The following TUBA4A variants were observed in gnomAD, a reference collection of about 807,000 sequenced individuals.
TUBA4A encodes the protein tubulin alpha-4A chain.
TUBA4A carries 23 observed loss-of-function variants against 34.3 expected under a neutral mutation model. The observed-to-expected ratio is 0.67, with a 90% confidence interval of 0.48 to 0.95. The LOEUF is 0.95. Among genes scored for constraint, TUBA4A ranks in the 40% least tolerant of loss-of-function variants. The probability of loss-of-function intolerance (pLI) is 0.00; values close to 1 mark genes in which losing one functional copy is unlikely to be tolerated. For synonymous variants in TUBA4A, 216 were observed against 230.5 expected, an observed-to-expected ratio of 0.94 and a Z score of 0.57; for missense variants, 279 against 599.0, an observed-to-expected ratio of 0.47 and a Z score of 5.58.
In TUBA4A at chr2:219,250,553, G is replaced by T. The variant is rs373071036; in HGVS notation, c.1146C>A (p.Thr382=). The T allele has an allele frequency of 4.3e-6, 7 of 1,614,204 alleles. No homozygotes were observed. In the Admixed American group the frequency reaches 5.0e-5, roughly 12 times the overall value. Residue 382 remains threonine, a synonymous_variant, in exon 4 of 4, where the codon ACC becomes ACA. Transcript: ENST00000248437. The surrounding 1 kb of genome is among the most constrained non-coding windows in gnomAD (Gnocchi z 8.4). ...QRAVCMLSNT[T]AIAEAWARLD... is the part of the protein sequence containing the mutation. ...GGCGGGCCCAGGCCTCGGCGATGGC[G>T]GTCGTGTTGCTCAGCATGCACACGG...
At chr2:219,253,196 C>T (rs1951677160) in intron 1 of TUBA4A, 2 of 1,502,058 alleles carry the variant, frequency 1.3e-6, no homozygotes, top group African/African-American at 2.8e-5. Flanking sequence ...CACCTCTCTC[C>T]CCTCCCCCCA....
In TUBA4A at chr2:219,249,948, G is replaced by T. The variant is rs1018591070; in HGVS notation, c.*404C>A. The T allele has an allele frequency of 3.5e-5, 6 of 173,912 alleles. No homozygotes were observed. Among genetic ancestry groups the T allele is most frequent in the Non-Finnish European group, 6.2e-5 (5 of 80,062 alleles). The allele number at this position is 173,912 out of a possible 1,614,324, so 10.8% of individuals were successfully genotyped here. ...GCCTGGGCCAAGCCTTGCTTCCAGA[G>T]TTGGTAAATGTAGAGGCAGCAGGAA... is the stretch of plus-strand genomic sequence containing the variant. On this transcript the variant is annotated 3_prime_UTR_variant, in exon 4 of 4. Coordinates refer to ENST00000248437, the MANE Select transcript of TUBA4A (RefSeq NM_006000.3).
rs1237627642 is a variant in TUBA4A at position 219,252,236 on chromosome 2, G to A, written c.4-6C>T. ...TGGACTGAGATGCATTCACGCTGAG[G>A]GATAGAGAGAGGGGACACAGCATGA... On this transcript the variant is annotated splice_region_variant and splice_polypyrimidine_tract_variant and intron_variant, in intron 1 of 3. Transcript: ENST00000248437. This position sits in a 1 kb window ranked among gnomAD's most constrained non-coding sequence, Gnocchi z 4.1. 6.2e-7 allele frequency: 1 copy of A among 1,610,460 alleles called. No homozygotes were observed. Among genetic ancestry groups the A allele is most frequent in the South Asian group, 1.1e-5 (1 of 91,014 alleles).
chr2:219,252,702 A>C lies in TUBA4A; in HGVS notation c.4-472T>G. On this transcript the variant is annotated intron_variant, in intron 1 of 3. Coordinates refer to ENST00000248437, the MANE Select transcript of TUBA4A (RefSeq NM_006000.3). The surrounding 1 kb of genome is among the most constrained non-coding windows in gnomAD (Gnocchi z 4.1). ...AGGATGCCCTCCTCCCTCACCTTTA[A>C]ATCCCATCTGGCTCTGGGGATCAAT... The C allele has an allele frequency of 2.2e-6, 1 of 451,424 alleles. No homozygotes were observed. Among genetic ancestry groups the C allele is most frequent in the South Asian group, 1.6e-5 (1 of 62,774 alleles). The allele number at this position is 451,424 out of a possible 1,614,324, so 28.0% of individuals were successfully genotyped here.
chr2:219,251,582 C>G lies in TUBA4A; in HGVS notation c.358G>C (p.Asp120His), dbSNP rs1951649084. The change falls in exon 3 of 4, where the codon GAT becomes CAT. Residue 120 changes from aspartate (D) to histidine (H), a missense_variant. Coordinates refer to ENST00000248437, the MANE Select transcript of TUBA4A (RefSeq NM_006000.3). This position sits in a 1 kb window ranked among gnomAD's most constrained non-coding sequence, Gnocchi z 6.1. ...ACTCTCACCAGCTTGCGGATCCGAT[C>G]CAGCACTGGGTCAATGATCTCCTTG... Reference protein sequence around the residue: ...IGKEIIDPVLDRIRKLSDQCT... With the variant: ...IGKEIIDPVLHRIRKLSDQCT... The G allele has an allele frequency of 6.2e-7, 1 of 1,614,032 alleles. No individual in the cohort carries two copies. Among genetic ancestry groups the G allele is most frequent in the Non-Finnish European group, 8.5e-7 (1 of 1,179,916 alleles).
intron 1 of TUBA4A, among the ~76,000 whole-genome samples, 158 bp downstream of exon 1, chr2:219,253,698 T>C (rs1394105712): frequency 1.3e-5 from 2 of 152,062 alleles, no homozygotes; most frequent in African/African-American, 2.4e-5. Context: ...TCGGCCAAAG[T>C]CACCAGGAGG....
In TUBA4A at chr2:219,252,333, G is replaced by T; in HGVS notation, c.4-103C>A. ...ATCATCTACCAGCTAGGATGACTCA[G>T]TTGGCAAGAGTGGAGGGTTGGGGCT... is the stretch of plus-strand genomic sequence containing the variant. On this transcript the variant is annotated intron_variant, in intron 1 of 3. Coordinates refer to ENST00000248437, the MANE Select transcript of TUBA4A (RefSeq NM_006000.3). The surrounding 1 kb of genome is among the most constrained non-coding windows in gnomAD (Gnocchi z 4.1). 8.9e-7 allele frequency: 1 copy of T among 1,124,594 alleles called. No individual in the cohort carries two copies. Among genetic ancestry groups the T allele is most frequent in the Non-Finnish European group, 1.3e-6 (1 of 781,314 alleles). The allele number at this position is 1,124,594 out of a possible 1,614,324, so 69.7% of individuals were successfully genotyped here.
intron 1 of TUBA4A, chr2:219,253,418 A>G (rs1403866703): frequency 1.3e-6 from 2 of 1,524,594 alleles, no homozygotes; most frequent in Admixed American, 2.0e-5. Context: ...ATGCGGCACC[A>G]GGTAACCTGA....
rs373557253 is a variant in TUBA4A, at chr2:219,251,401, G to A, written c.376-78C>T. 7.0e-5 allele frequency: 108 copies of A among 1,543,102 alleles called. 1 individual carries two copies. Among genetic ancestry groups the A allele is most frequent in the South Asian group, 2.9e-4 (23 of 79,304 alleles). ...ACTCTATCACCTGGCTCCATAAAGC[G>A]TAAGATACATCAGCAGTCAGGGCAA... On this transcript the variant is annotated intron_variant, in intron 3 of 3. Transcript: ENST00000248437. This position sits in a 1 kb window ranked among gnomAD's most constrained non-coding sequence, Gnocchi z 6.1.
chr2:219,251,455 C>T lies in TUBA4A; in HGVS notation c.375+110G>A, dbSNP rs1574884956. On this transcript the variant is annotated intron_variant, in intron 3 of 3. Coordinates refer to ENST00000248437, the MANE Select transcript of TUBA4A (RefSeq NM_006000.3). The surrounding 1 kb of genome is among the most constrained non-coding windows in gnomAD (Gnocchi z 6.1). ...CTGAGGATGCCATAGCAGCACCACA[C>T]TCGAGACCATGTATAGTTAGAGATG... 2.3e-5 allele frequency: 35 copies of T among 1,540,554 alleles called. No individual in the cohort carries two copies. Among genetic ancestry groups the T allele is most frequent in the Middle Eastern group, 1.8e-4 (1 of 5,710 alleles).
rs925237289 is a variant in TUBA4A at position 219,251,596 on chromosome 2, A to G, written c.344T>C (p.Ile115Thr). 2 of 1,614,112 alleles carry G rather than the reference A, an allele frequency of 1.2e-6. No individual in the cohort carries two copies. The highest frequency in any genetic ancestry group is 8.5e-7 in the Non-Finnish European group (1 of 1,179,978). Residue 115 changes from isoleucine (I) to threonine (T), a missense_variant, in exon 3 of 4, where the codon ATT becomes ACT. Ile to Thr is a moderately conservative substitution (Grantham distance 89, BLOSUM62 -1). Around this residue, in one of 3 missense-constraint regions of TUBA4A, gnomAD observed 98 missense variants for 171.1 expected, o/e 0.57. Coordinates refer to ENST00000248437, the MANE Select transcript of TUBA4A (RefSeq NM_006000.3). The surrounding 1 kb of genome is among the most constrained non-coding windows in gnomAD (Gnocchi z 6.1). ...GCGGATCCGATCCAGCACTGGGTCA[A>G]TGATCTCCTTGCCAATGGTATAGTG... ...RGHYTIGKEI[I>T]DPVLDRIRKL...
At chr2:219,253,281 G>A in intron 1 of TUBA4A, 7 of 1,502,026 alleles carry the variant, frequency 4.7e-6, no homozygotes, top group Non-Finnish European at 6.2e-6. Context: ...CGGCTGGAGA[G>A]GGCCAGCTCG....
upstream of TUBA4A, chr2:219,253,996 G>T: frequency 1.1e-6 from 1 of 942,550 alleles, no homozygotes; most frequent in Non-Finnish European, 1.5e-6. Context: ...ACTAGAGGCT[G>T]GGCGGCCCGC....
Position 219,252,821 on chromosome 2 carries a change from T to C in TUBA4A, c.4-591A>G, listed in dbSNP as rs1574886440. 2.1e-6 allele frequency: 1 copy of C among 471,698 alleles called. No individual in the cohort carries two copies. Among genetic ancestry groups the C allele is most frequent in the African/African-American group, 2.0e-5 (1 of 50,016 alleles). The allele number at this position is 471,698 out of a possible 1,614,324, so 29.2% of individuals were successfully genotyped here. A position where few individuals can be genotyped will look rare whatever the true frequency, so the allele number is the denominator to read the frequency against. On this transcript the variant is annotated intron_variant, in intron 1 of 3. Transcript: ENST00000248437. This position sits in a 1 kb window ranked among gnomAD's most constrained non-coding sequence, Gnocchi z 4.1. ...TCAGCCCGCACGGAAATAGCGGCGG[T>C]AATGCTTGTAAGCTCAGACAGCAGG...
Position 219,252,952 on chromosome 2 carries a change from C to A in TUBA4A, c.4-722G>T. The A allele has an allele frequency of 2.0e-6, 1 of 490,934 alleles. No individual in the cohort carries two copies. The highest frequency in any genetic ancestry group is 4.1e-6 in the Non-Finnish European group (1 of 243,524). The allele number at this position is 490,934 out of a possible 1,614,324, so 30.4% of individuals were successfully genotyped here. ...GCACTAAAGTCCGGCAGGGCCCGCG[C>A]GCTCTTCCCACACCGAAATGGCGGG... On this transcript the variant is annotated intron_variant, in intron 1 of 3. Coordinates refer to ENST00000248437, the MANE Select transcript of TUBA4A (RefSeq NM_006000.3). The surrounding 1 kb of genome is among the most constrained non-coding windows in gnomAD (Gnocchi z 4.1).
At chr2:219,253,485 T>C (rs927882539) in intron 1 of TUBA4A, 4 of 1,311,388 alleles carry the variant, frequency 3.1e-6, no homozygotes, top group Admixed American at 2.0e-5. Flanking sequence ...GACCAGGGAC[T>C]GGGGATGTAA....
Position 219,252,299 on chromosome 2 carries a change from T to G in TUBA4A, c.4-69A>C. 21 of 1,401,244 alleles carry G rather than the reference T, an allele frequency of 1.5e-5. No individual in the cohort carries two copies. The highest frequency in any genetic ancestry group is 1.9e-5 in the Non-Finnish European group (19 of 1,004,508). The allele number at this position is 1,401,244 out of a possible 1,614,324, so 86.8% of individuals were successfully genotyped here. A position where few individuals can be genotyped will look rare whatever the true frequency, so the allele number is the denominator to read the frequency against. ...CAAGTCCTCACCTTGCGAGTCTCTC[T>G]TCCACCCTATCATCTACCAGCTAGG... On this transcript the variant is annotated intron_variant, in intron 1 of 3. Transcript: ENST00000248437. This position sits in a 1 kb window ranked among gnomAD's most constrained non-coding sequence, Gnocchi z 4.1.
intron 1 of TUBA4A, chr2:219,253,536 C>G: frequency 1.1e-6 from 1 of 889,706 alleles, no homozygotes; most frequent in East Asian, 2.6e-5. Context: ...GCGGAAAGGA[C>G]GGGGCGCGGG....
Position 219,251,402 on chromosome 2 carries a change from T to G in TUBA4A, c.376-79A>C. ...CTCTATCACCTGGCTCCATAAAGCG[T>G]AAGATACATCAGCAGTCAGGGCAAA... On this transcript the variant is annotated intron_variant, in intron 3 of 3. Transcript: ENST00000248437. This position sits in a 1 kb window ranked among gnomAD's most constrained non-coding sequence, Gnocchi z 6.1. 6.5e-7 allele frequency: 1 copy of G among 1,543,278 alleles called. No individual in the cohort carries two copies. The highest frequency in any genetic ancestry group is 8.7e-7 in the Non-Finnish European group (1 of 1,144,068).
Sources: gnomAD v4.1 joint callset for allele counts (sites outside exome capture counted in the v4.1 genomes callset) on GRCh38, gnomAD v4.1.1 for gene constraint, gnomAD v4.1.1 regional missense constraint, Gnocchi (gnomAD v3.1) non-coding constraint, MANE v1.5 for transcripts, NCBI Gene and HGNC (gene_info 2026-07-23, HGNC 2026-07-21) for gene names.